The following ST6GALNAC3 variants were observed in gnomAD, a reference collection of about 807,000 sequenced individuals.
The protein encoded by ST6GALNAC3 is ST6 N-acetylgalactosaminide alpha-2,6-sialyltransferase 3.
ST6GALNAC3 carries 25 observed loss-of-function variants against 32.7 expected under a neutral mutation model. The ratio of observed to expected loss-of-function variants is 0.76; its 90% confidence interval spans 0.56 to 1.07. The LOEUF (loss-of-function observed/expected upper bound fraction) is 1.07. Ranked by LOEUF, ST6GALNAC3 falls within the 50% of genes least tolerant of loss-of-function variation. ST6GALNAC3 has a pLI of 0.00. For synonymous variants in ST6GALNAC3, 129 were observed against 133.1 expected (o/e 0.97, Z 0.21); for missense variants, 355 against 382.4 (o/e 0.93, Z 0.60).
chr1:76,144,132 A>AAG (rs141646157), intron 1 of ST6GALNAC3, among the ~76,000 whole-genome samples: 21,695 of 152,104 alleles, frequency 0.14, 1,696 homozygotes, highest in African/African-American at 0.16. Context: ...CTTCACCACT[A>AAG]AAACCTCATG....
At chr1:76,149,320 T>C (rs1333299043) in intron 1 of ST6GALNAC3, among the ~76,000 whole-genome samples, 2 of 152,186 alleles carry the variant, frequency 1.3e-5, no homozygotes, top group Non-Finnish European at 2.9e-5. Flanking sequence ...GTCTAGATAT[T>C]AGAAGAGAAG....
intron 1 of ST6GALNAC3, chr1:76,309,923 T>G: frequency 2.1e-6 from 1 of 468,786 alleles, no homozygotes; most frequent in Non-Finnish European, 4.3e-6. Context: ...AACTGCTATT[T>G]CATCCTGTTT....
chr1:76,618,771 C>A (rs542014520), intron 3 of ST6GALNAC3, among the ~76,000 whole-genome samples: 1 of 152,068 alleles, frequency 6.6e-6, no homozygotes. Context: ...AAATGGGAAC[C>A]ATGTGATGCT....
intron 1 of ST6GALNAC3, among the ~76,000 whole-genome samples, chr1:76,202,985 T>G (rs10493587): frequency 0.084 from 12,761 of 152,192 alleles, 591 homozygotes; most frequent in African/African-American, 0.12. Flanking sequence ...CAAGTTCATT[T>G]GTTCTGATTA....
rs2100681162 is a variant in ST6GALNAC3, at chr1:76,245,635, G to T, written c.19-68170G>T. ...AGAGATTCTGGTACATTGTTTCTTT[G>T]TTCTCATTGGTTTCAAAGAACTTCT... On this transcript the variant is annotated intron_variant, in intron 1 of 4. Transcript: ENST00000328299. 2.0e-5 allele frequency among the ~76,000 whole-genome samples: 3 copies of T among 151,936 alleles called. No homozygotes were observed. The South Asian group carries it at 6.2e-4, about 32-fold the overall frequency.
chr1:76,344,575 G>C (rs1648335826), intron 2 of ST6GALNAC3, among the ~76,000 whole-genome samples: 1 of 152,138 alleles, frequency 6.6e-6, no homozygotes, highest in Admixed American at 6.6e-5. Context: ...CTGCTTAGAA[G>C]AGTAACCGGC....
At chr1:76,323,786 G>A (rs942826765) in intron 2 of ST6GALNAC3, among the ~76,000 whole-genome samples, 1 of 152,024 alleles carries the variant, frequency 6.6e-6, no homozygotes, top group Non-Finnish European at 1.5e-5. Context: ...CTATATCTGG[G>A]TTGTAAATTT....
At chr1:76,628,527 A>C in intron 4 of ST6GALNAC3, 93 bp from the exon 5 acceptor site, 1 of 1,166,118 alleles carries the variant, frequency 8.6e-7, no homozygotes, top group Non-Finnish European at 1.2e-6. Flanking sequence ...TTGTGAGTAA[A>C]TGCATTTACT....
intron 1 of ST6GALNAC3, among the ~76,000 whole-genome samples, chr1:76,108,497 G>A (rs868812779): frequency 3.3e-5 from 5 of 152,168 alleles, no homozygotes; most frequent in Admixed American, 1.3e-4. Context: ...ATTGTGAATA[G>A]AGATAGAAAC....
intron 3 of ST6GALNAC3, among the ~76,000 whole-genome samples, chr1:76,498,820 T>C (rs1382998527): frequency 6.6e-6 from 1 of 152,060 alleles, no homozygotes; most frequent in African/African-American, 2.4e-5. Context: ...GGCTGGAAAG[T>C]GTCTGGGAAG....
chr1:76,574,913 G>A (rs1445146747), intron 3 of ST6GALNAC3, among the ~76,000 whole-genome samples: 1 of 152,058 alleles, frequency 6.6e-6, no homozygotes, highest in East Asian at 1.9e-4. Flanking sequence ...TCCTCCATGT[G>A]TGGTCTTCCT....
At chr1:76,586,549 A>G (rs1419398377) in intron 3 of ST6GALNAC3, among the ~76,000 whole-genome samples, 1 of 152,174 alleles carries the variant, frequency 6.6e-6, no homozygotes, top group African/African-American at 2.4e-5. Context: ...GATAATGTTC[A>G]TTGCTAGGAT....
chr1:76,541,735 C>G (rs1226508224), intron 3 of ST6GALNAC3, among the ~76,000 whole-genome samples: 1 of 152,182 alleles, frequency 6.6e-6, no homozygotes, highest in African/African-American at 2.4e-5. Flanking sequence ...GAAGCACATG[C>G]TGTGTGTATC....
At chr1:76,293,994 C>A (rs1260382223) in intron 1 of ST6GALNAC3, among the ~76,000 whole-genome samples, 2 of 152,030 alleles carry the variant, frequency 1.3e-5, no homozygotes, top group Non-Finnish European at 2.9e-5. Flanking sequence ...TATACAAAAC[C>A]GTTTGTGGAG....
chr1:76,166,546 G>A (rs917375669), intron 1 of ST6GALNAC3, among the ~76,000 whole-genome samples: 2 of 152,128 alleles, frequency 1.3e-5, no homozygotes, highest in African/African-American at 4.8e-5. Flanking sequence ...GAATGTCAAT[G>A]CTAGTTTAAC....
intron 2 of ST6GALNAC3, among the ~76,000 whole-genome samples, chr1:76,361,017 A>G (rs1339694534): frequency 6.6e-6 from 1 of 152,182 alleles, no homozygotes; most frequent in Non-Finnish European, 1.5e-5. Flanking sequence ...ATGAGTGATG[A>G]ATTAAATGTA....
At chr1:76,177,468 A>G (rs938079528) in intron 1 of ST6GALNAC3, among the ~76,000 whole-genome samples, 3 of 152,140 alleles carry the variant, frequency 2.0e-5, no homozygotes, top group African/African-American at 7.2e-5. Context: ...TAGGCTCTAA[A>G]GGATCTTAGA....
At chr1:76,375,562 G>A (rs1336524175) in intron 2 of ST6GALNAC3, among the ~76,000 whole-genome samples, 1 of 152,122 alleles carries the variant, frequency 6.6e-6, no homozygotes, top group Non-Finnish European at 1.5e-5. Flanking sequence ...AAGTTCAGAG[G>A]ATGGAACAGC....
In ST6GALNAC3 at chr1:76,395,583, A is replaced by G. The variant is rs1354942238; in HGVS notation, c.214-16425A>G. On this transcript the variant is annotated intron_variant, in intron 2 of 4. Coordinates refer to ENST00000328299, the MANE Select transcript of ST6GALNAC3 (RefSeq NM_152996.4). The stretch of plus-strand genomic sequence containing the variant: ...AATGGATAAAGAAAACGTTACACAC[A>G]CACACAGACACACACGCACACACAC... 2.6e-5 allele frequency among the ~76,000 whole-genome samples: 4 copies of G among 152,016 alleles called. No individual in the cohort carries two copies. In the South Asian group the frequency reaches 6.2e-4, roughly 24 times the overall value.
Sources: allele counts gnomAD v4.1 joint callset (sites outside exome capture counted in the v4.1 genomes callset), GRCh38; gene constraint gnomAD v4.1.1; transcripts MANE v1.5; gene names NCBI Gene and HGNC (gene_info 2026-07-23, HGNC 2026-07-21).